SLIT3: variants seen among roughly 807,000 people sequenced by gnomAD.
SLIT3 encodes slit homolog 3 protein.
A neutral mutation model predicts 184.0 loss-of-function variants in SLIT3; 68 were observed. The ratio of observed to expected loss-of-function variants is 0.37; its 90% CI spans 0.30 to 0.45. SLIT3 has a LOEUF of 0.45. Among genes scored for constraint, SLIT3 ranks in the 20% least tolerant of loss-of-function variants. The pLI is 1.00. For synonymous variants in SLIT3, 831 were observed against 828.6 expected (o/e 1.00, Z -0.05); for missense variants, 1,707 against 2,026.0 (o/e 0.84, Z 3.02).
intron 4 of SLIT3, among the ~76,000 whole-genome samples, chr5:168,920,276 A>G (rs1761593304): frequency 6.6e-6 from 1 of 152,060 alleles, no homozygotes; most frequent in South Asian, 2.1e-4. Context: ...TTATTTTGGG[A>G]GTCAAGATTT....
intron 4 of SLIT3, among the ~76,000 whole-genome samples, chr5:169,105,635 G>T (rs1330711403): frequency 6.6e-6 from 1 of 152,186 alleles, no homozygotes; most frequent in African/African-American, 2.4e-5. Flanking sequence ...TTCCAGAGCA[G>T]GAGCAAGTAG....
intron 4 of SLIT3, among the ~76,000 whole-genome samples, chr5:169,000,060 A>G (rs1233158777): frequency 1.3e-5 from 2 of 152,048 alleles, no homozygotes; most frequent in Non-Finnish European, 2.9e-5. Flanking sequence ...TACTGCGATC[A>G]TTATTGACGA....
intron 4 of SLIT3, among the ~76,000 whole-genome samples, chr5:169,185,698 A>C (rs533713644): frequency 6.6e-6 from 1 of 152,326 alleles, no homozygotes; most frequent in East Asian, 1.9e-4. Context: ...TGAGTAGCAG[A>C]AAGCACTACC....
intron 16 of SLIT3, among the ~76,000 whole-genome samples, chr5:168,755,312 T>C (rs958650254): frequency 3.3e-5 from 5 of 152,080 alleles, no homozygotes; most frequent in Non-Finnish European, 5.9e-5. Flanking sequence ...TGGATATTAC[T>C]TCTTTACAAA....
intron 12 of SLIT3, 52 bp downstream of exon 12, chr5:168,785,855 G>T: frequency 7.6e-7 from 1 of 1,320,014 alleles, no homozygotes; most frequent in Non-Finnish European, 1.1e-6. Context: ...TTTTCAGGTG[G>T]GAGCCTTCCG....
At chr5:169,054,270 A>G (rs1444618901) in intron 4 of SLIT3, among the ~76,000 whole-genome samples, 1 of 149,466 alleles carries the variant, frequency 6.7e-6, no homozygotes, top group Non-Finnish European at 1.5e-5. Context: ...GGAGATTGGG[A>G]TGATGCGGCC....
At chr5:169,170,056 C>T (rs1762768332) in intron 4 of SLIT3, among the ~76,000 whole-genome samples, 1 of 152,198 alleles carries the variant, frequency 6.6e-6, no homozygotes, top group Non-Finnish European at 1.5e-5. Context: ...AGGAGGGAAC[C>T]TCCAGACCCT....
At chr5:168,738,956 A>AAAAAAAC (rs1763526475) in intron 20 of SLIT3, among the ~76,000 whole-genome samples, 1 of 151,502 alleles carries the variant, frequency 6.6e-6, no homozygotes, top group Non-Finnish European at 1.5e-5. Flanking sequence ...AAAAAAAAAA[A>AAAAAAAC]AGCAGCTCAC....
chr5:168,730,167 A>G (rs1441746069), intron 20 of SLIT3, among the ~76,000 whole-genome samples: 1 of 152,140 alleles, frequency 6.6e-6, no homozygotes, highest in Non-Finnish European at 1.5e-5. Flanking sequence ...CAATTCAGCA[A>G]GAGGATGTAA....
chr5:169,069,725 G>T (rs1758476479), intron 4 of SLIT3, among the ~76,000 whole-genome samples: 1 of 152,128 alleles, frequency 6.6e-6, no homozygotes, highest in South Asian at 2.1e-4. Flanking sequence ...GGAAGTAGGG[G>T]AGGGAGAGAG....
At chr5:169,002,839 A>G (rs1168357597) in intron 4 of SLIT3, among the ~76,000 whole-genome samples, 1 of 152,220 alleles carries the variant, frequency 6.6e-6, no homozygotes, top group Non-Finnish European at 1.5e-5. Flanking sequence ...AATGACTCTT[A>G]TTTAAACATC....
chr5:168,765,798 C>A (rs959967795), intron 14 of SLIT3, among the ~76,000 whole-genome samples: 7 of 152,294 alleles, frequency 4.6e-5, no homozygotes, highest in Non-Finnish European at 8.8e-5. Flanking sequence ...TCGGCTGAAA[C>A]CAGCCTTGGA....
At chr5:168,901,112 C>G (rs1005727051) in intron 4 of SLIT3, among the ~76,000 whole-genome samples, 3 of 152,130 alleles carry the variant, frequency 2.0e-5, no homozygotes, top group Non-Finnish European at 4.4e-5. Flanking sequence ...TCTGTAATCC[C>G]AGAACTTTGG....
chr5:169,109,997 A>G (rs1334823250), intron 4 of SLIT3, among the ~76,000 whole-genome samples: 2 of 152,190 alleles, frequency 1.3e-5, no homozygotes, highest in Non-Finnish European at 2.9e-5. Flanking sequence ...AAGGAGACAT[A>G]GTAATCCCAG....
At chr5:168,899,424 G>A (rs2113824435) in intron 4 of SLIT3, among the ~76,000 whole-genome samples, 1 of 152,246 alleles carries the variant, frequency 6.6e-6, no homozygotes, top group South Asian at 2.1e-4. Context: ...TGAAGCAAGA[G>A]GATCACTCAA....
intron 5 of SLIT3, among the ~76,000 whole-genome samples, chr5:168,861,800 C>T (rs2113749556): frequency 6.6e-6 from 1 of 152,310 alleles, no homozygotes; most frequent in East Asian, 1.9e-4. Flanking sequence ...CAGTGCCAGC[C>T]CTCACTTTAA....
At chr5:168,899,546 A>G (rs1760795950) in intron 4 of SLIT3, among the ~76,000 whole-genome samples, 1 of 152,150 alleles carries the variant, frequency 6.6e-6, no homozygotes, top group Non-Finnish European at 1.5e-5. Flanking sequence ...CAAAGATGAC[A>G]AGTACATGAT....
chr5:168,754,289 A>C (rs748236471), intron 16 of SLIT3, among the ~76,000 whole-genome samples: 1 of 152,232 alleles, frequency 6.6e-6, no homozygotes, highest in Non-Finnish European at 1.5e-5. Flanking sequence ...TATATGCACA[A>C]TGGAAGACTA....
chr5:169,076,082 C>T (rs956824628), intron 4 of SLIT3, among the ~76,000 whole-genome samples: 1 of 152,198 alleles, frequency 6.6e-6, no homozygotes, highest in Non-Finnish European at 1.5e-5. Flanking sequence ...GAAGGTGGCC[C>T]ACCAAGGGCA....
Sources: allele counts gnomAD v4.1 joint callset (sites outside exome capture counted in the v4.1 genomes callset), GRCh38; gene constraint gnomAD v4.1.1; transcripts MANE v1.5; gene names NCBI Gene and HGNC (gene_info 2026-07-23, HGNC 2026-07-21).